The following SPO11 variants were observed in gnomAD, a reference collection of about 807,000 sequenced individuals.
SPO11 encodes SPO11 initiator of meiotic double strand breaks, also known as meiotic recombination protein SPO11.
In SPO11, 49 loss-of-function variants were observed where a neutral mutation model predicts 51.6. The observed-to-expected ratio is 0.95, with a 90% CI of 0.75 to 1.20. The LOEUF (loss-of-function observed/expected upper bound fraction) is 1.20, where lower values mean the gene tolerates loss of function less well. Among genes scored for constraint, SPO11 ranks in the 50% most tolerant of loss-of-function variants. SPO11 has a pLI of 0.00. For missense variants in SPO11, 431 were observed against 473.4 expected (o/e 0.91, Z 0.83); for synonymous variants, 176 against 158.2 (o/e 1.11, Z -0.84).
chr20:57,337,671 T>G, intron 8 of SPO11: 1 of 1,040,450 alleles, frequency 9.6e-7, no homozygotes, highest in Non-Finnish European at 1.3e-6. Context: ...TTAGGACCAT[T>G]TCCTAGGACT....
In SPO11 at chr20:57,343,446, G is replaced by A; in HGVS notation, c.1177G>A (p.Gly393Arg). 1 of 1,595,334 alleles carries A rather than the reference G, an allele frequency of 6.3e-7. No homozygotes were observed. Among genetic ancestry groups the A allele is most frequent in the Non-Finnish European group, 8.5e-7 (1 of 1,174,762 alleles). Reference sequence around the variant, plus strand: ...GTACTTACCTAACAAATTAAAATTTGGAGGATGGATATAAAAATAAATCAG... The same window carrying A: ...GTACTTACCTAACAAATTAAAATTTAGAGGATGGATATAAAAATAAATCAG... ...RVYLPNKLKF[G>R]GWI Residue 393 changes from glycine to arginine, a missense_variant, in exon 13 of 13, where the codon GGA becomes AGA. This residue lies in a region of SPO11 where 23 missense variants were observed against 27.3 expected (regional missense o/e 0.84). Transcript: ENST00000371263.
chr20:57,333,793 A>ATG (rs1282111969), intron 4 of SPO11, 40 bp downstream of exon 4: 2 of 1,191,178 alleles, frequency 1.7e-6, no homozygotes, highest in Non-Finnish European at 2.5e-6. Context: ...TCAAAATGTA[A>ATG]TGTGAGAAAT....
chr20:57,333,465 A>G (rs2066473550), intron 3 of SPO11, among the ~76,000 whole-genome samples, 189 bp downstream of exon 3: 4 of 152,206 alleles, frequency 2.6e-5, no homozygotes, highest in African/African-American at 9.6e-5. Context: ...ACATTTTTCA[A>G]GGTATATGGT....
intron 2 of SPO11, among the ~76,000 whole-genome samples, chr20:57,332,733 A>C (rs1033801704): frequency 6.6e-6 from 1 of 152,218 alleles, no homozygotes; most frequent in East Asian, 1.9e-4. Context: ...AACCTAATAA[A>C]ATTGTTATTT....
chr20:57,340,767 CAA>C (rs945122539), intron 11 of SPO11, among the ~76,000 whole-genome samples: 1 of 129,478 alleles, frequency 7.7e-6, no homozygotes, highest in Non-Finnish European at 1.7e-5. Flanking sequence ...ACTCTGTCTC[CAA>C]AAAAAAAAAA....
intron 11 of SPO11, among the ~76,000 whole-genome samples, 163 bp downstream of exon 11, chr20:57,340,341 TTC>T (rs1600687481): frequency 6.6e-6 from 1 of 152,262 alleles, no homozygotes; most frequent in Non-Finnish European, 1.5e-5. Flanking sequence ...TCATTAATGT[TTC>T]TGTTTCAACT....
intron 9 of SPO11, 33 bp from the exon 10 acceptor site, chr20:57,338,956 A>C (rs532124409): frequency 2.2e-6 from 3 of 1,365,378 alleles, no homozygotes; most frequent in Non-Finnish European, 3.0e-6. Flanking sequence ...ATATGTAAGG[A>C]GACTAATTTT....
chr20:57,336,136 C>T (rs536620465), intron 8 of SPO11, among the ~76,000 whole-genome samples: 26 of 152,106 alleles, frequency 1.7e-4, no homozygotes, highest in African/African-American at 6.3e-4. Context: ...GTTGCCCAGG[C>T]CGAAGTACCA....
Position 57,343,528 on chromosome 20 carries a change from A to G in SPO11, c.*68A>G, listed in dbSNP as rs28368102. 12 of 1,443,274 alleles carry G rather than the reference A, an allele frequency of 8.3e-6. No homozygotes were observed. Among genetic ancestry groups the G allele is most frequent in the Admixed American group, 4.7e-5 (2 of 42,396 alleles). 89.4% of individuals were successfully genotyped at this position (1,443,274 alleles called of 1,614,324 possible). ...AGTTTTGTTTTGATTGGCAAATACT[A>G]TTGTGGAAAGAACATATATTATATT... On this transcript the variant is annotated 3_prime_UTR_variant, in exon 13 of 13. Coordinates refer to ENST00000371263, the MANE Select transcript of SPO11 (RefSeq NM_012444.3).
intron 6 of SPO11, 28 bp downstream of exon 6, chr20:57,334,864 G>A (rs1183282823): frequency 6.3e-7 from 1 of 1,582,264 alleles, no homozygotes; most frequent in Admixed American, 1.7e-5. Flanking sequence ...AGTTTTCACA[G>A]CTTTAACTCT....
chr20:57,337,896 T>G (rs886131582), intron 8 of SPO11: 5 of 559,570 alleles, frequency 8.9e-6, no homozygotes, highest in Non-Finnish European at 1.3e-5. Flanking sequence ...CTATTATTAT[T>G]ATGATTTTGA....
At chr20:57,340,662 A>G (rs1478331659) in intron 11 of SPO11, among the ~76,000 whole-genome samples, 1 of 151,984 alleles carries the variant, frequency 6.6e-6, no homozygotes, top group Non-Finnish European at 1.5e-5. Flanking sequence ...AGCTACCGGG[A>G]AGGCTGAGGC....
intron 11 of SPO11, among the ~76,000 whole-genome samples, chr20:57,341,589 A>G (rs1453100750): frequency 6.6e-6 from 1 of 152,236 alleles, no homozygotes; most frequent in Non-Finnish European, 1.5e-5. Flanking sequence ...TAAATATGGA[A>G]TGTGAACAGG....
chr20:57,334,662 T>A, intron 5 of SPO11, 88 bp from the exon 6 acceptor site: 1 of 935,544 alleles, frequency 1.1e-6, no homozygotes, highest in Non-Finnish European at 1.6e-6. Flanking sequence ...AAAATGCCAG[T>A]AATTCAGCAG....
intron 11 of SPO11, among the ~76,000 whole-genome samples, chr20:57,341,690 A>G (rs1321253464): frequency 6.6e-6 from 1 of 152,198 alleles, no homozygotes; most frequent in Middle Eastern, 3.2e-3. Flanking sequence ...CACTGGATTA[A>G]CGTGTTCAAT....
At position 57,330,122 on chromosome 20, in the gene SPO11, AC is replaced by A; in HGVS notation, c.131+129del. ...GCACCCCTTGGCGGGCCAGCCAGGA[AC>A]CCCCAAAAAGATCCTTCCTGAGTAC... is the stretch of plus-strand genomic sequence containing the variant. On this transcript the variant is annotated intron_variant, in intron 1 of 12. Coordinates refer to ENST00000371263, the MANE Select transcript of SPO11 (RefSeq NM_012444.3). 3 of 1,343,630 alleles carry A rather than the reference AC, an allele frequency of 2.2e-6. No homozygotes were observed. In the South Asian group the frequency reaches 4.7e-5, roughly 21 times the overall value. 83.2% of individuals were successfully genotyped at this position (1,343,630 alleles called of 1,614,324 possible).
intron 1 of SPO11, among the ~76,000 whole-genome samples, 198 bp downstream of exon 1, chr20:57,330,196 G>T (rs1438316042): frequency 2.0e-5 from 3 of 152,174 alleles, no homozygotes; most frequent in African/African-American, 7.2e-5. Flanking sequence ...AAGAAAGCCA[G>T]GTGGCAGCCC....
At chr20:57,334,155 A>ATTTTTT in intron 5 of SPO11, 60 bp downstream of exon 5, 1 of 549,484 alleles carries the variant, frequency 1.8e-6, no homozygotes, top group Non-Finnish European at 2.7e-6. Context: ...ATAAAACATA[A>ATTTTTT]TTTTTTTTTT....
intron 6 of SPO11, among the ~76,000 whole-genome samples, 167 bp from the exon 7 acceptor site, chr20:57,335,252 C>T (rs1348263455): frequency 6.6e-6 from 1 of 152,042 alleles, no homozygotes. Flanking sequence ...AGTCATGTGC[C>T]GGTTTTCTTA....
Sources: gnomAD v4.1 joint callset for allele counts (sites outside exome capture counted in the v4.1 genomes callset) on GRCh38, gnomAD v4.1.1 for gene constraint, gnomAD v4.1.1 regional missense constraint, MANE v1.5 for transcripts, NCBI Gene and HGNC (gene_info 2026-07-23, HGNC 2026-07-21) for gene names.